TTC14: variants seen among roughly 807,000 people sequenced by gnomAD.
TTC14 encodes tetratricopeptide repeat domain 14.
Under a neutral mutation model 79.9 loss-of-function variants are expected in TTC14, and 63 were observed. The ratio of observed to expected loss-of-function variants is 0.79; its 90% CI spans 0.64 to 0.97. The LOEUF (loss-of-function observed/expected upper bound fraction) is 0.97, where lower values mean the gene tolerates loss of function less well. Ranked by LOEUF, TTC14 falls within the 50% of genes least tolerant of loss-of-function variation. The pLI is 0.00. For missense variants in TTC14, 895 were observed against 894.0 expected, an observed-to-expected ratio of 1.00 and a Z score of -0.01; for synonymous variants, 335 against 309.6, an observed-to-expected ratio of 1.08 and a Z score of -0.86.
chr3:180,607,262 G>A (rs949828520), intron 9 of TTC14, among the ~76,000 whole-genome samples: 1 of 152,038 alleles, frequency 6.6e-6, no homozygotes, highest in African/African-American at 2.4e-5. Context: ...TGATATATGT[G>A]TATGTTGGTA....
chr3:180,602,729 T>C, intron 1 of TTC14, 162 bp from the exon 2 acceptor site: 1 of 841,006 alleles, frequency 1.2e-6, no homozygotes, highest in Non-Finnish European at 1.8e-6. Context: ...CACCTCCAGG[T>C]TGGTTAATGA....
At chr3:180,617,489 T>A (rs1159763480) in exon 13 of TTC14, 1 of 683,156 alleles carries the variant, frequency 1.5e-6, no homozygotes, top group Non-Finnish European at 2.7e-6. Context: ...CCATTCATGT[T>A]ACTGACCCTG....
intron 5 of TTC14, 44 bp downstream of exon 5, chr3:180,604,651 C>A (rs780525986): frequency 6.4e-7 from 1 of 1,566,094 alleles, no homozygotes; most frequent in Non-Finnish European, 8.6e-7. Context: ...TTACAAAAGT[C>A]TCTTGGATTG....
rs777195701 is a variant in TTC14 at position 180,610,102 on chromosome 3, A to C, written c.1873A>C (p.Ser625Arg). Residue 625 changes from serine to arginine, a missense_variant, in exon 12 of 12, where the codon AGT (serine) becomes CGT (arginine). Ser to Arg is a moderately radical substitution (Grantham distance 110, BLOSUM62 -1). Transcript: ENST00000296015. ...ATATAAATCAGAAAGACATTTTTCC[A>C]GTAGAAGAAATTCCTCAGATTCCTT... ...KPYKSERHFS[S>R]RRNSSDSFCR... 13 of 1,613,252 alleles carry C rather than the reference A, an allele frequency of 8.1e-6. No individual in the cohort carries two copies. In the South Asian group the frequency reaches 1.3e-4, roughly 16 times the overall value.
chr3:180,616,536 G>A (rs1196039901), intron 12 of TTC14: 2 of 1,572,556 alleles, frequency 1.3e-6, no homozygotes, highest in African/African-American at 1.4e-5. Context: ...TATGTTTGAA[G>A]GATAATACGG....
At chr3:180,615,893 A>G (rs1215311064), downstream of TTC14, among the ~76,000 whole-genome samples, 3 of 152,234 alleles carry the variant, frequency 2.0e-5, no homozygotes, top group African/African-American at 7.2e-5. Flanking sequence ...TTGAATCACA[A>G]AAATCATATT....
intron 3 of TTC14, chr3:180,603,574 G>A: frequency 2.1e-6 from 1 of 475,490 alleles, no homozygotes; most frequent in South Asian, 2.2e-5. Flanking sequence ...AATGCTCAAA[G>A]AGGTATCAGT....
chr3:180,614,357 C>G (rs1456179716), downstream of TTC14: 4 of 90,340 alleles, frequency 4.4e-5, no homozygotes, highest in Admixed American at 1.9e-4. Flanking sequence ...TACAGTGTTT[C>G]TCTTACCGGT....
intron 12 of TTC14, chr3:180,617,303 A>G (rs1326613482): frequency 4.1e-6 from 2 of 489,780 alleles, no homozygotes; most frequent in African/African-American, 2.0e-5. Flanking sequence ...TGTACAGTGC[A>G]TAATACTTGA....
intron 3 of TTC14, 56 bp downstream of exon 3, chr3:180,603,379 A>G: frequency 7.0e-7 from 1 of 1,423,162 alleles, no homozygotes; most frequent in African/African-American, 1.4e-5. Flanking sequence ...ATCTCAATGC[A>G]AGAACTATAT....
chr3:180,614,932 T>C (rs1199184536), downstream of TTC14: 1 of 1,561,682 alleles, frequency 6.4e-7, no homozygotes. Flanking sequence ...TATTTGCTGC[T>C]CTTTTTGCTC....
intron 10 of TTC14, chr3:180,608,129 A>G (rs1576922535): frequency 2.0e-6 from 2 of 1,010,518 alleles, no homozygotes; most frequent in East Asian, 2.1e-4. Context: ...ACTGATGATG[A>G]TGTTTTCTCA....
intron 1 of TTC14, 35 bp from the exon 2 acceptor site, chr3:180,602,855 TA>T: frequency 6.3e-7 from 1 of 1,585,880 alleles, no homozygotes; most frequent in Non-Finnish European, 8.6e-7. Flanking sequence ...GCTTTGCAGA[TA>T]ACCCAATTTT....
chr3:180,603,278 T>C lies in TTC14; in HGVS notation c.441T>C (p.Cys147=). 6.2e-7 allele frequency: 1 copy of C among 1,613,992 alleles called. No individual in the cohort carries two copies. Among genetic ancestry groups the C allele is most frequent in the Non-Finnish European group, 8.5e-7 (1 of 1,179,968 alleles). Residue 147 remains cysteine (C), a synonymous_variant, in exon 3 of 12, where the codon TGT becomes TGC. Coordinates refer to ENST00000296015, the MANE Select transcript of TTC14 (RefSeq NM_133462.4). ...TCGGTTTTTTCATGGTGTTGATCTG[T>C]TTAGGAAGTGGTATCATGAGAGATA... is the stretch of plus-strand genomic sequence containing the variant. ...REFGFFMVLI[C]LGSGIMRDIA...
At chr3:180,617,417 G>C (rs997835740) in exon 13 of TTC14, 1 of 669,136 alleles carries the variant, frequency 1.5e-6, no homozygotes, top group East Asian at 2.7e-5. Context: ...CTATAAAACA[G>C]CCTCAGGCAG....
downstream of TTC14, among the ~76,000 whole-genome samples, chr3:180,611,572 T>G (rs1232709434): frequency 6.6e-6 from 1 of 152,118 alleles, no homozygotes; most frequent in Non-Finnish European, 1.5e-5. Flanking sequence ...AATAATAAAT[T>G]CCAGCAGCTA....
intron 7 of TTC14, 89 bp from the exon 8 acceptor site, chr3:180,606,164 T>G: frequency 1.3e-6 from 2 of 1,552,620 alleles, no homozygotes; most frequent in South Asian, 2.4e-5. Flanking sequence ...CCAAGTTTGA[T>G]GACATTTGCT....
In TTC14 at chr3:180,602,872, A is replaced by C. The variant is rs1203638914; in HGVS notation, c.162-19A>C. On this transcript the variant is annotated intron_variant, in intron 1 of 11. Coordinates refer to ENST00000296015, the MANE Select transcript of TTC14 (RefSeq NM_133462.4). ...TTTGCAGATAACCCAATTTTCATAT[A>C]TATTTTTTTCTTTTTAAGAAAAGAG... 1 of 1,593,954 alleles carries C rather than the reference A, an allele frequency of 6.3e-7. No individual in the cohort carries two copies. Among genetic ancestry groups the C allele is most frequent in the East Asian group, 2.2e-5 (1 of 44,676 alleles).
intron 5 of TTC14, 88 bp from the exon 6 acceptor site, chr3:180,604,764 A>G (rs1716581693): frequency 6.9e-7 from 1 of 1,457,814 alleles, no homozygotes; most frequent in African/African-American, 1.4e-5. Flanking sequence ...TGGAATTAGT[A>G]TTTAAACCTC....
Sources: gnomAD v4.1 joint callset for allele counts (sites outside exome capture counted in the v4.1 genomes callset) on GRCh38, gnomAD v4.1.1 for gene constraint, MANE v1.5 for transcripts, NCBI Gene and HGNC (gene_info 2026-07-23, HGNC 2026-07-21) for gene names.